LRRC14B: variants seen among roughly 807,000 people sequenced by gnomAD.
The protein encoded by LRRC14B is leucine rich repeat containing 14B, also known as leucine-rich repeat-containing protein 14B.
LRRC14B carries 23 observed loss-of-function variants against 16.9 expected under a neutral mutation model. The observed-to-expected ratio is 1.36, with a 90% CI of 0.98 to 1.92. The LOEUF (loss-of-function observed/expected upper bound fraction) is 1.92. Ranked by LOEUF, LRRC14B falls within the 30% of genes most tolerant of loss-of-function variation. The probability of loss-of-function intolerance (pLI) is 0.00; values close to 1 mark genes in which losing one functional copy is unlikely to be tolerated. For synonymous variants in LRRC14B, 358 were observed against 332.5 expected (o/e 1.08, Z -0.83); for missense variants, 766 against 705.7 (o/e 1.09, Z -0.97).
In LRRC14B at chr5:192,148, G is replaced by A. The variant is rs758069734; in HGVS notation, c.610G>A (p.Val204Met). The change falls in exon 1 of 2, where the codon GTG (valine) becomes ATG (methionine). Residue 204 changes from valine (V) to methionine (M), a missense_variant. Transcript: ENST00000328278. ...DSLSPSQLLH[V>M]LRLAGPGALR... ...CCTGAGCCCCAGCCAGCTCCTGCAC[G>A]TGCTGCGTCTGGCTGGCCCGGGTGC... 2.5e-6 allele frequency: 4 copies of A among 1,593,580 alleles called. No individual in the cohort carries two copies. The highest frequency in any genetic ancestry group is 3.4e-6 in the Non-Finnish European group (4 of 1,171,480).
At position 192,310 on chromosome 5, in the gene LRRC14B, G is replaced by A. The variant is rs199522400; in HGVS notation, c.772G>A (p.Ala258Thr). The A allele has an allele frequency of 2.6e-4, 423 of 1,599,992 alleles. 2 individuals are homozygous for A. In the African/African-American group the frequency reaches 4.3e-3, roughly 16 times the overall value. ...GGCCTTTGATGCACCCCCCACCTAC[G>A]CCTCCACTCCCGACGGCGAGGACCC... ...TKAFDAPPTY[A>T]STPDGEDPLL... is the part of the protein sequence containing the mutation. Residue 258 changes from alanine (A) to threonine (T), a missense_variant, in exon 1 of 2, where the codon GCC (alanine) becomes ACC (threonine). By Grantham distance (58) the Ala-to-Thr change is moderately conservative (BLOSUM62 0). Coordinates refer to ENST00000328278, the MANE Select transcript of LRRC14B (RefSeq NM_001080478.3).
Position 195,121 on chromosome 5 carries a change from A to G in LRRC14B, c.1313A>G (p.Gln438Arg). Reference sequence around the variant, plus strand: ...TACCCCGAGGGTGCCGCCTACCCACAGGACGAGCTGGCCATGTCCAAGTTC... The same window carrying G: ...TACCCCGAGGGTGCCGCCTACCCACGGGACGAGCTGGCCATGTCCAAGTTC... ...DCYPEGAAYPQDELAMSKFNQ... is the reference protein window; with the variant it reads ...DCYPEGAAYPRDELAMSKFNQ... The change falls in exon 2 of 2, where the codon CAG becomes CGG. Residue 438 changes from glutamine (Q) to arginine (R), a missense_variant. Transcript: ENST00000328278. 1 of 1,613,966 alleles carries G rather than the reference A, an allele frequency of 6.2e-7. No homozygotes were observed. Among genetic ancestry groups the G allele is most frequent in the Non-Finnish European group, 8.5e-7 (1 of 1,179,904 alleles).
Position 195,303 on chromosome 5 carries a change from T to C in LRRC14B, c.1495T>C (p.Phe499Leu), listed in dbSNP as rs1553994352. The change falls in exon 2 of 2, where the codon TTC becomes CTC. Residue 499 changes from phenylalanine (F) to leucine (L), a missense_variant. Physicochemically the swap from Phe to Leu is conservative, Grantham distance 22 (BLOSUM62 0). Transcript: ENST00000328278. ...GCTTGGTGCTTTCTTGCTGCAAGCT[T>C]TCAAAACTGCTCTAGAAAACTTCTC... is the stretch of plus-strand genomic sequence containing the variant. ...NELGAFLLQA[F>L]KTALENFSRA... is the part of the protein sequence containing the mutation. 8 of 1,608,766 alleles carry C rather than the reference T, an allele frequency of 5.0e-6. No homozygotes were observed. Among genetic ancestry groups the C allele is most frequent in the Non-Finnish European group, 6.8e-6 (8 of 1,179,834 alleles).
rs200547038 is a variant in LRRC14B, at chr5:195,004, C to T, written c.1196C>T (p.Pro399Leu). ...CGCCAGCTCAAGTTCCTCGGGAACC[C>T]GCTGTCGGCCCGCGCCCTCCGGCGC... ...RLRQLKFLGN[P>L]LSARALRRLF... is the part of the protein sequence containing the mutation. The change falls in exon 2 of 2, where the codon CCG (proline) becomes CTG (leucine). Residue 399 changes from proline to leucine, a missense_variant. Physicochemically the swap from Pro to Leu is moderately conservative, Grantham distance 98 (BLOSUM62 -3). Coordinates refer to ENST00000328278, the MANE Select transcript of LRRC14B (RefSeq NM_001080478.3). 3.2e-4 allele frequency: 514 copies of T among 1,613,322 alleles called. No individual in the cohort carries two copies. The highest frequency in any genetic ancestry group is 2.0e-3 in the African/African-American group (148 of 75,052).
In LRRC14B at chr5:192,356, G is replaced by C. The variant is rs748490211; in HGVS notation, c.818G>C (p.Arg273Pro). ...GEDPLLASIA[R>P]ELSKMAQLTE... is the part of the protein sequence containing the mutation. ...GACCCCCTCCTCGCCTCCATCGCCC[G>C]GGAGCTCAGCAAGATGGCGCAGCTC... The change falls in exon 1 of 2, where the codon CGG becomes CCG. Residue 273 changes from arginine (R) to proline (P), a missense_variant. Physicochemically the swap from Arg to Pro is moderately radical, Grantham distance 103. Transcript: ENST00000328278. 2 of 1,591,914 alleles carry C rather than the reference G, an allele frequency of 1.3e-6. No individual in the cohort carries two copies. The highest frequency in any genetic ancestry group is 1.3e-5 in the African/African-American group (1 of 74,278).
chr5:192,100 T>A lies in LRRC14B; in HGVS notation c.562T>A (p.Cys188Ser). Residue 188 changes from cysteine (C) to serine (S), a missense_variant, in exon 1 of 2, where the codon TGC becomes AGC. Cys to Ser is a moderately radical substitution (Grantham distance 112). Transcript: ENST00000328278. ...PAGPAPLRVH[C>S]PSFRADSLSP... ...GGGCCCGGCCCCTCTGCGGGTGCAC[T>A]GCCCCTCGTTCCGGGCGGACAGCCT... is the stretch of plus-strand genomic sequence containing the variant. 6.4e-7 allele frequency: 1 copy of A among 1,556,706 alleles called. No homozygotes were observed. The highest frequency in any genetic ancestry group is 1.2e-5 in the South Asian group (1 of 85,262).
At chr5:193,983 T>A (rs570993442) in intron 1 of LRRC14B, among the ~76,000 whole-genome samples, 1 of 152,142 alleles carries the variant, frequency 6.6e-6, no homozygotes, top group East Asian at 1.9e-4. Flanking sequence ...GCCCCTGTAT[T>A]AGAGCTAGGC....
rs761639441 is a variant in LRRC14B at position 191,593 on chromosome 5, C to T, written c.55C>T (p.Pro19Ser). 2 of 1,612,158 alleles carry T rather than the reference C, an allele frequency of 1.2e-6. No individual in the cohort carries two copies. Among genetic ancestry groups the T allele is most frequent in the Non-Finnish European group, 1.7e-6 (2 of 1,179,596 alleles). The stretch of plus-strand genomic sequence containing the variant: ...TTCTGCAGAAGCTCTGGTGTCCCAC[C>T]CCCAGGTGGCCCGGCAGAGCCTGGA... ...FISAEALVSH[P>S]QVARQSLDSV... Residue 19 changes from proline (P) to serine (S), a missense_variant, in exon 1 of 2, where the codon CCC (proline) becomes TCC (serine). Physicochemically the swap from Pro to Ser is moderately conservative, Grantham distance 74. Coordinates refer to ENST00000328278, the MANE Select transcript of LRRC14B (RefSeq NM_001080478.3).
chr5:191,913 C>A lies in LRRC14B; in HGVS notation c.375C>A (p.Cys125Ter), dbSNP rs747207605. Residue 125 changes from cysteine (C) to a stop codon, truncating the protein, a stop_gained, in exon 1 of 2, where the codon TGC (cysteine) becomes TGA (stop). Transcript: ENST00000328278. LOFTEE classifies it high-confidence loss of function. ...IRDVQVQRCP[C>*]GRALGRWGRT... ...ATGTGCAGGTGCAGCGGTGCCCGTG[C>A]GGGAGGGCGCTGGGCAGGTGGGGCC... 11 of 1,507,160 alleles carry A rather than the reference C, an allele frequency of 7.3e-6. No individual in the cohort carries two copies. Among genetic ancestry groups the A allele is most frequent in the Non-Finnish European group, 9.7e-6 (11 of 1,132,080 alleles). 93.4% of individuals were successfully genotyped at this position (1,507,160 alleles called of 1,614,324 possible).
At chr5:192,465 G>A (rs1405932568) in intron 1 of LRRC14B, 28 bp downstream of exon 1, 3 of 1,485,284 alleles carry the variant, frequency 2.0e-6, no homozygotes, top group East Asian at 2.4e-5. Flanking sequence ...GACTGAGGGC[G>A]GGCTGGTGGC....
At position 192,188 on chromosome 5, in the gene LRRC14B, A is replaced by T. The variant is rs761395032; in HGVS notation, c.650A>T (p.Glu217Val). 1.2e-6 allele frequency: 2 copies of T among 1,601,164 alleles called. No individual in the cohort carries two copies. The highest frequency in any genetic ancestry group is 1.7e-5 in the Admixed American group (1 of 58,704). ...LAGPGALRKL[E>V]VVHNVRLHAG... ...GGCCCGGGTGCCCTGCGCAAGCTGG[A>T]GGTGGTGCACAACGTGCGGCTGCAT... Residue 217 changes from glutamate (E) to valine (V), a missense_variant, in exon 1 of 2, where the codon GAG (glutamate) becomes GTG (valine). Coordinates refer to ENST00000328278, the MANE Select transcript of LRRC14B (RefSeq NM_001080478.3).
chr5:193,679 C>T (rs1419312225), intron 1 of LRRC14B, among the ~76,000 whole-genome samples: 1 of 151,152 alleles, frequency 6.6e-6, no homozygotes, highest in Admixed American at 6.6e-5. Context: ...ATAGAGGTGC[C>T]CTGCGGTGGG....
rs773736968 is a variant in LRRC14B, at chr5:192,102, C to A, written c.564C>A (p.Cys188Ter). ...GCCCGGCCCCTCTGCGGGTGCACTG[C>A]CCCTCGTTCCGGGCGGACAGCCTGA... ...PAGPAPLRVH[C>*]PSFRADSLSP... is the part of the protein sequence containing the mutation. Residue 188 changes from cysteine (C) to a stop codon, truncating the protein, a stop_gained, in exon 1 of 2, where the codon TGC (cysteine) becomes TGA (stop). Coordinates refer to ENST00000328278, the MANE Select transcript of LRRC14B (RefSeq NM_001080478.3). LOFTEE classifies it high-confidence loss of function. 1.3e-6 allele frequency: 2 copies of A among 1,557,518 alleles called. No homozygotes were observed. The highest frequency in any genetic ancestry group is 1.7e-6 in the Non-Finnish European group (2 of 1,154,640).
rs1303125174 is a variant in LRRC14B, at chr5:191,879, G to A, written c.341G>A (p.Gly114Asp). 1 of 1,520,840 alleles carries A rather than the reference G, an allele frequency of 6.6e-7. No homozygotes were observed. The highest frequency in any genetic ancestry group is 2.5e-5 in the East Asian group (1 of 40,294). The allele number at this position is 1,520,840 out of a possible 1,614,324, so 94.2% of individuals were successfully genotyped here. A position where few individuals can be genotyped will look rare whatever the true frequency, so the allele number is the denominator to read the frequency against. The stretch of plus-strand genomic sequence containing the variant: ...CGGCTGCGGGTGGCTGACCTCACGG[G>A]CATCCGAGATGTGCAGGTGCAGCGG... Reference protein sequence around the residue: ...RRRLRVADLTGIRDVQVQRCP... With the variant: ...RRRLRVADLTDIRDVQVQRCP... The change falls in exon 1 of 2, where the codon GGC becomes GAC. Residue 114 changes from glycine (G) to aspartate (D), a missense_variant. Gly to Asp is a moderately conservative substitution (Grantham distance 94). Coordinates refer to ENST00000328278, the MANE Select transcript of LRRC14B (RefSeq NM_001080478.3).
rs755327077 is a variant in LRRC14B, at chr5:192,312, C to T, written c.774C>T (p.Ala258=). ...CCTTTGATGCACCCCCCACCTACGCCTCCACTCCCGACGGCGAGGACCCCC... is the reference window on the plus strand; with the variant it reads ...CCTTTGATGCACCCCCCACCTACGCTTCCACTCCCGACGGCGAGGACCCCC... ...TKAFDAPPTY[A]STPDGEDPLL... is the part of the protein sequence containing the mutation. Residue 258 remains alanine (A), a synonymous_variant, in exon 1 of 2, where the codon GCC becomes GCT. Coordinates refer to ENST00000328278, the MANE Select transcript of LRRC14B (RefSeq NM_001080478.3). 3.1e-6 allele frequency: 5 copies of T among 1,600,398 alleles called. No individual in the cohort carries two copies. Among genetic ancestry groups the T allele is most frequent in the Non-Finnish European group, 3.4e-6 (4 of 1,174,750 alleles).
chr5:191,619 C>G lies in LRRC14B; in HGVS notation c.81C>G (p.Asp27Glu). 6.2e-7 allele frequency: 1 copy of G among 1,611,296 alleles called. No individual in the cohort carries two copies. Among genetic ancestry groups the G allele is most frequent in the South Asian group, 1.1e-5 (1 of 90,564 alleles). The change falls in exon 1 of 2, where the codon GAC (aspartate) becomes GAG (glutamate). Residue 27 changes from aspartate to glutamate, a missense_variant. Coordinates refer to ENST00000328278, the MANE Select transcript of LRRC14B (RefSeq NM_001080478.3). ...CCCAGGTGGCCCGGCAGAGCCTGGA[C>G]AGCGTGGCCCACAACCTCTACCCAC... Reference protein sequence around the residue: ...SHPQVARQSLDSVAHNLYPLL... With the variant: ...SHPQVARQSLESVAHNLYPLL...
Position 191,510 on chromosome 5 carries a change from A to G in LRRC14B, c.-29A>G. On this transcript the variant is annotated 5_prime_UTR_variant, in exon 1 of 2. Coordinates refer to ENST00000328278, the MANE Select transcript of LRRC14B (RefSeq NM_001080478.3). Reference sequence around the variant, plus strand: ...CGTGAAGGGCACACGCCTTGGGGAAAGTCGTGGGGAGCGGTCCTGTCTCGG... The same window carrying G: ...CGTGAAGGGCACACGCCTTGGGGAAGGTCGTGGGGAGCGGTCCTGTCTCGG... 1 of 1,574,796 alleles carries G rather than the reference A, an allele frequency of 6.4e-7. No individual in the cohort carries two copies. The highest frequency in any genetic ancestry group is 8.7e-7 in the Non-Finnish European group (1 of 1,155,592).
rs772043976 is a variant in LRRC14B, at chr5:191,499, G to A, written c.-40G>A. 14 of 1,565,288 alleles carry A rather than the reference G, an allele frequency of 8.9e-6. No individual in the cohort carries two copies. The South Asian group carries it at 1.1e-4, about 12-fold the overall frequency. Reference sequence around the variant, plus strand: ...CTAAAGATAGGCGTGAAGGGCACACGCCTTGGGGAAAGTCGTGGGGAGCGG... The same window carrying A: ...CTAAAGATAGGCGTGAAGGGCACACACCTTGGGGAAAGTCGTGGGGAGCGG... On this transcript the variant is annotated 5_prime_UTR_variant, in exon 1 of 2. Transcript: ENST00000328278.
chr5:195,299 A>G lies in LRRC14B; in HGVS notation c.1491A>G (p.Gln497=), dbSNP rs1428139546. 8 of 1,609,474 alleles carry G rather than the reference A, an allele frequency of 5.0e-6. No individual in the cohort carries two copies. Among genetic ancestry groups the G allele is most frequent in the East Asian group, 4.5e-5 (2 of 44,884 alleles). The change falls in exon 2 of 2, where the codon CAA becomes CAG. Residue 497 remains glutamine (Q), a synonymous_variant. Coordinates refer to ENST00000328278, the MANE Select transcript of LRRC14B (RefSeq NM_001080478.3). ...ATGAGCTTGGTGCTTTCTTGCTGCA[A>G]GCTTTCAAAACTGCTCTAGAAAACT... ...TSNELGAFLL[Q]AFKTALENFS... is the part of the protein sequence containing the mutation.
Sources: allele counts gnomAD v4.1 joint callset (sites outside exome capture counted in the v4.1 genomes callset), GRCh38; gene constraint gnomAD v4.1.1; transcripts MANE v1.5; gene names NCBI Gene and HGNC (gene_info 2026-07-23, HGNC 2026-07-21).